Variants in FANCC observed in about 807,000 individuals in gnomAD.
FANCC encodes Fanconi anemia group C protein.
Under a neutral mutation model 71.3 loss-of-function variants are expected in FANCC, and 55 were observed. That is an observed-to-expected ratio of 0.77 (90% CI 0.62 to 0.97). The LOEUF (loss-of-function observed/expected upper bound fraction) is 0.97. FANCC is among the 50% of genes least tolerant of loss of function. FANCC has a pLI of 0.00. For synonymous variants in FANCC, 275 were observed against 244.9 expected, an observed-to-expected ratio of 1.12 and a Z score of -1.15; for missense variants, 678 against 670.9, an observed-to-expected ratio of 1.01 and a Z score of -0.12.
intron 1 of FANCC, among the ~76,000 whole-genome samples, chr9:95,269,457 C>G (rs1013230413): frequency 6.6e-6 from 1 of 152,184 alleles, no homozygotes. Context: ...AGCTGGAGAT[C>G]AGATGATCCA....
At chr9:95,182,389 G>A (rs1826430015) in intron 4 of FANCC, among the ~76,000 whole-genome samples, 1 of 152,142 alleles carries the variant, frequency 6.6e-6, no homozygotes, top group African/African-American at 2.4e-5. Flanking sequence ...GCATGGTGGC[G>A]GGTGCCTTTA....
intron 4 of FANCC, among the ~76,000 whole-genome samples, chr9:95,173,387 T>C (rs1311600154): frequency 3.9e-5 from 6 of 152,118 alleles, no homozygotes; most frequent in African/African-American, 1.4e-4. Context: ...GATTACGGGC[T>C]AACAGAGGCC....
intron 4 of FANCC, among the ~76,000 whole-genome samples, chr9:95,239,965 G>A (rs914443075): frequency 6.6e-6 from 1 of 152,236 alleles, no homozygotes; most frequent in African/African-American, 2.4e-5. Flanking sequence ...GCAAGGCAGT[G>A]CGGGGAACAG....
rs535203572 is a variant in FANCC at position 95,198,433 on chromosome 9, C to T, written c.346-26286G>A. On this transcript the variant is annotated intron_variant, in intron 4 of 14. Coordinates refer to ENST00000289081, the MANE Select transcript of FANCC (RefSeq NM_000136.3). ...CCTAAAGCTGTTTTACATAGAAATA[C>T]AAAATATGTTTTGCATGTTCTGGCA... Among the ~76,000 whole-genome samples the T allele has an allele frequency of 7.2e-5, 11 of 152,276 alleles. No homozygotes were observed. In the South Asian group the frequency reaches 1.9e-3, roughly 26 times the overall value.
chr9:95,124,465 C>T (rs903216207), intron 10 of FANCC, among the ~76,000 whole-genome samples: 6 of 152,154 alleles, frequency 3.9e-5, no homozygotes, highest in Non-Finnish European at 8.8e-5. Flanking sequence ...CTGCTGGGGA[C>T]GTGGAGCACA....
chr9:95,176,413 C>T (rs563251409), intron 4 of FANCC, among the ~76,000 whole-genome samples: 7 of 152,360 alleles, frequency 4.6e-5, no homozygotes, highest in African/African-American at 1.4e-4. Flanking sequence ...CTTCTCCTTA[C>T]AAGCCTGTTT....
chr9:95,316,127 T>A (rs1035811149), intron 1 of FANCC, among the ~76,000 whole-genome samples: 1 of 152,248 alleles, frequency 6.6e-6, no homozygotes, highest in Admixed American at 6.5e-5. Flanking sequence ...GAATGTATAA[T>A]ATACAAAGTA....
Position 95,317,575 on chromosome 9 carries a change from G to T in FANCC, c.-128C>A, listed in dbSNP as rs1039056539. The stretch of plus-strand genomic sequence containing the variant: ...TCAGCAGTTTGGGCAGTGGCGGAAA[G>T]GAAGCCACCGCCCGGGATCTGTGGC... On this transcript the variant is annotated 5_prime_UTR_variant, in exon 1 of 15. Coordinates refer to ENST00000289081, the MANE Select transcript of FANCC (RefSeq NM_000136.3). The T allele has an allele frequency of 2.6e-5, 4 of 152,258 alleles. No homozygotes were observed. Among genetic ancestry groups the T allele is most frequent in the Non-Finnish European group, 4.4e-5 (3 of 68,052 alleles). 9.4% of individuals were successfully genotyped at this position (152,258 alleles called of 1,614,324 possible). A position where few individuals can be genotyped will look rare whatever the true frequency, so the allele number is the denominator to read the frequency against.
intron 8 of FANCC, chr9:95,127,248 C>T (rs898376789): frequency 3.9e-5 from 6 of 152,760 alleles, no homozygotes; most frequent in South Asian, 2.1e-4. Flanking sequence ...GGGAGCTTCA[C>T]TGGCCCAGTC....
At chr9:95,292,732 G>A in intron 1 of FANCC, 2 of 1,343,400 alleles carry the variant, frequency 1.5e-6, no homozygotes, top group Non-Finnish European at 2.1e-6. Context: ...TTCTACTGTT[G>A]TCCAATCGAA....
At position 95,172,103 on chromosome 9, in the gene FANCC, T is replaced by A. The variant is rs1419677503; in HGVS notation, c.390A>T (p.Glu130Asp). ...CAAGACCTTGAGTGAAAAGAGCAAC[T>A]TCTTTATCAAATCTGAGTGCTGAAA... ...HILSALRFDKEVALFTQGLGY... is the reference protein window; with the variant it reads ...HILSALRFDKDVALFTQGLGY... The change falls in exon 5 of 15, where the codon GAA becomes GAT. Residue 130 changes from glutamate to aspartate, a missense_variant. By Grantham distance (45) the Glu-to-Asp change is conservative. Coordinates refer to ENST00000289081, the MANE Select transcript of FANCC (RefSeq NM_000136.3). The A allele has an allele frequency of 1.9e-6, 3 of 1,613,346 alleles. No individual in the cohort carries two copies. The Admixed American group carries it at 5.0e-5, about 27-fold the overall frequency.
chr9:95,275,290 AT>A (rs1389589397), intron 1 of FANCC, among the ~76,000 whole-genome samples: 1 of 152,084 alleles, frequency 6.6e-6, no homozygotes, highest in East Asian at 1.9e-4. Context: ...TCTCAAAAAA[AT>A]AAATAAACAA....
intron 1 of FANCC, among the ~76,000 whole-genome samples, chr9:95,253,508 G>A (rs1340589764): frequency 6.6e-6 from 1 of 152,126 alleles, no homozygotes; most frequent in Non-Finnish European, 1.5e-5. Context: ...GGTTTCTGAG[G>A]AGAAGTTGAA....
intron 13 of FANCC, chr9:95,109,683 A>G (rs1241422092): frequency 6.6e-6 from 1 of 152,238 alleles, no homozygotes. Flanking sequence ...CACCTCAAGG[A>G]CATCCACAGA....
At chr9:95,172,181 T>C in intron 4 of FANCC, 34 bp from the exon 5 acceptor site, 1 of 1,405,446 alleles carries the variant, frequency 7.1e-7, no homozygotes, top group African/African-American at 1.4e-5. Flanking sequence ...TTAACTTCTT[T>C]AAAAGTAAAT....
At chr9:95,220,356 T>C (rs938792314) in intron 4 of FANCC, among the ~76,000 whole-genome samples, 7 of 152,218 alleles carry the variant, frequency 4.6e-5, no homozygotes, top group African/African-American at 1.7e-4. Flanking sequence ...GACCTAGCCA[T>C]CCCATTACTG....
At chr9:95,217,054 T>C (rs1384031783) in intron 4 of FANCC, among the ~76,000 whole-genome samples, 1 of 152,138 alleles carries the variant, frequency 6.6e-6, no homozygotes, top group African/African-American at 2.4e-5. Flanking sequence ...ACAAACCAAA[T>C]TCAGAACCAT....
chr9:95,106,591 CTCAAG>C (rs1213641952), intron 14 of FANCC, among the ~76,000 whole-genome samples: 2 of 152,204 alleles, frequency 1.3e-5, no homozygotes, highest in East Asian at 1.9e-4. Context: ...TTTTTTACCC[CTCAAG>C]TCAAGTGGGC....
At chr9:95,263,848 G>A (rs1305970781) in intron 1 of FANCC, among the ~76,000 whole-genome samples, 1 of 152,150 alleles carries the variant, frequency 6.6e-6, no homozygotes, top group African/African-American at 2.4e-5. Context: ...ACTTTTGCTC[G>A]CCTATCAAAC....
Sources: gnomAD v4.1 joint callset for allele counts (sites outside exome capture counted in the v4.1 genomes callset) on GRCh38, gnomAD v4.1.1 for gene constraint, MANE v1.5 for transcripts, NCBI Gene and HGNC (gene_info 2026-07-23, HGNC 2026-07-21) for gene names.